The following LRGUK variants were observed in gnomAD, a reference collection of about 807,000 sequenced individuals.
The protein encoded by LRGUK is leucine-rich repeat and guanylate kinase domain-containing protein.
A neutral mutation model predicts 76.0 loss-of-function variants in LRGUK; 65 were observed. The observed-to-expected ratio is 0.85, with a 90% CI of 0.70 to 1.05. LRGUK has a LOEUF of 1.05. Among genes scored for constraint, LRGUK ranks in the 50% least tolerant of loss-of-function variants. The pLI, the probability that LRGUK is intolerant of heterozygous loss-of-function variation, is 0.00. For synonymous variants in LRGUK, 268 were observed against 265.6 expected, an observed-to-expected ratio of 1.01 and a Z score of -0.09; for missense variants, 758 against 732.8, an observed-to-expected ratio of 1.03 and a Z score of -0.40.
chr7:134,218,332 ATCCATTTCTAAGTGCTT>A (rs1801490788), intron 15 of LRGUK, among the ~76,000 whole-genome samples: 1 of 152,172 alleles, frequency 6.6e-6, no homozygotes, highest in South Asian at 2.1e-4. Context: ...TTTCTAAGTC[ATCCATTTCTAAGTGCTT>A]TCAAAGAGAG....
exon 3 of LRGUK, chr7:134,139,480 T>C: frequency 6.2e-7 from 1 of 1,610,600 alleles, no homozygotes; most frequent in Non-Finnish European, 8.5e-7. Context: ...GATATGTTCA[T>C]CTACAGAAGT....
intron 16 of LRGUK, among the ~76,000 whole-genome samples, chr7:134,243,240 A>G (rs1367157963): frequency 1.3e-5 from 2 of 152,166 alleles, no homozygotes; most frequent in African/African-American, 4.8e-5. Flanking sequence ...AAGGTATTCA[A>G]TTAGGAAAAG....
intron 4 of LRGUK, among the ~76,000 whole-genome samples, chr7:134,147,109 T>C (rs897345644): frequency 2.0e-5 from 3 of 152,082 alleles, no homozygotes; most frequent in Non-Finnish European, 4.4e-5. Flanking sequence ...AGGCATTGCC[T>C]GGAAATAAAT....
chr7:134,268,066 C>T (rs569449314), downstream of LRGUK, among the ~76,000 whole-genome samples: 4 of 152,234 alleles, frequency 2.6e-5, no homozygotes, highest in African/African-American at 9.6e-5. Context: ...TCAGTAAGCT[C>T]CTACCTGACG....
At chr7:134,200,760 A>G (rs4732006) in intron 14 of LRGUK, among the ~76,000 whole-genome samples, 5,948 of 152,300 alleles carry the variant, frequency 0.039, 239 homozygotes, top group East Asian at 0.15. Context: ...CTATTCCTGC[A>G]TAGAAATTAT....
At chr7:134,130,131 T>C (rs183478744) in intron 1 of LRGUK, among the ~76,000 whole-genome samples, 24 of 152,344 alleles carry the variant, frequency 1.6e-4, no homozygotes, top group Admixed American at 7.2e-4. Context: ...CCCATTAGTT[T>C]TGCTTAAAGT....
intron 6 of LRGUK, among the ~76,000 whole-genome samples, chr7:134,159,929 G>C (rs1328763533): frequency 6.6e-6 from 1 of 152,162 alleles, no homozygotes; most frequent in South Asian, 2.1e-4. Context: ...CATGTTTTCC[G>C]CCCATGAAGG....
At chr7:134,137,371 T>A (rs1797580930) in intron 2 of LRGUK, among the ~76,000 whole-genome samples, 1 of 152,234 alleles carries the variant, frequency 6.6e-6, no homozygotes, top group African/African-American at 2.4e-5. Context: ...TCTTTCATCT[T>A]AAGTAGTCTA....
At chr7:134,207,054 A>T (rs1801038517) in intron 15 of LRGUK, among the ~76,000 whole-genome samples, 1 of 152,246 alleles carries the variant, frequency 6.6e-6, no homozygotes, top group African/African-American at 2.4e-5. Context: ...TATATATCTG[A>T]TTACAGAAAA....
intron 5 of LRGUK, among the ~76,000 whole-genome samples, chr7:134,154,325 G>A (rs1258911017): frequency 2.6e-5 from 4 of 152,176 alleles, no homozygotes; most frequent in East Asian, 1.9e-4. Flanking sequence ...GAAAGAACAC[G>A]AATAATGTTA....
chr7:134,149,100 T>G (rs958710219), intron 5 of LRGUK, among the ~76,000 whole-genome samples: 3 of 37,422 alleles, frequency 8.0e-5, no homozygotes. Context: ...AAATATGCTT[T>G]CTTTTTTTAA....
chr7:134,254,681 A>T (rs1802530936), intron 18 of LRGUK, among the ~76,000 whole-genome samples: 1 of 152,216 alleles, frequency 6.6e-6, no homozygotes, highest in South Asian at 2.1e-4. Context: ...ATTTGTGGGG[A>T]TGCAAACATT....
intron 16 of LRGUK, among the ~76,000 whole-genome samples, chr7:134,231,221 C>G (rs1801881028): frequency 6.6e-6 from 1 of 152,136 alleles, no homozygotes; most frequent in African/African-American, 2.4e-5. Context: ...CTTACTACCC[C>G]ACTGAACATA....
At chr7:134,206,915 A>G (rs948563205) in intron 15 of LRGUK, among the ~76,000 whole-genome samples, 1 of 152,230 alleles carries the variant, frequency 6.6e-6, no homozygotes, top group African/African-American at 2.4e-5. Flanking sequence ...GATGGTTATG[A>G]TAAGTCAGAC....
rs539696884 is a variant in LRGUK at position 134,200,523 on chromosome 7, A to C, written c.1748-958A>C. ...TTGTATTTTCTTGTGCTACATAAAA[A>C]AGTTCTCTGGCAGAATCCTCAAAAA... On this transcript the variant is annotated intron_variant, in intron 14 of 15. Transcript: ENST00000645682. Among the ~76,000 whole-genome samples the C allele has an allele frequency of 3.3e-5, 5 of 152,272 alleles. No homozygotes were observed. The South Asian group carries it at 1.0e-3, about 32-fold the overall frequency.
chr7:134,226,418 G>A (rs1022852747), intron 16 of LRGUK, among the ~76,000 whole-genome samples: 2 of 152,042 alleles, frequency 1.3e-5, no homozygotes, highest in African/African-American at 4.8e-5. Flanking sequence ...CTTGGCCATC[G>A]CATGCAATGA....
At chr7:134,174,597 C>A (rs1440292691) in exon 8 of LRGUK, 21 of 1,608,964 alleles carry the variant, frequency 1.3e-5, no homozygotes, top group Non-Finnish European at 1.8e-5. Flanking sequence ...AAAATTTACC[C>A]ATCCTTCGAG....
intron 7 of LRGUK, among the ~76,000 whole-genome samples, chr7:134,173,038 G>C (rs2116975680): frequency 6.6e-6 from 1 of 152,194 alleles, no homozygotes; most frequent in African/African-American, 2.4e-5. Context: ...TGGAATGCTA[G>C]AAGGAAATTA....
intron 16 of LRGUK, among the ~76,000 whole-genome samples, chr7:134,224,795 G>A (rs895088420): frequency 5.3e-5 from 8 of 152,164 alleles, no homozygotes; most frequent in African/African-American, 1.7e-4. Flanking sequence ...GCTCATGCCT[G>A]TAATCCCAGC....
Sources: allele counts gnomAD v4.1 joint callset (sites outside exome capture counted in the v4.1 genomes callset), GRCh38; gene constraint gnomAD v4.1.1; transcripts MANE v1.5; gene names NCBI Gene and HGNC (gene_info 2026-07-23, HGNC 2026-07-21).